INO80: variants seen among roughly 807,000 people sequenced by gnomAD.
INO80 encodes the protein chromatin-remodeling ATPase INO80.
Under a neutral mutation model 203.4 loss-of-function variants are expected in INO80, and 20 were observed. The ratio of observed to expected loss-of-function variants is 0.10; its 90% CI spans 0.07 to 0.14. INO80 has a LOEUF of 0.14. INO80 is among the 10% of genes least tolerant of loss of function. INO80 has a pLI of 1.00. For synonymous variants in INO80, 726 were observed against 685.2 expected (o/e 1.06, Z -0.93); for missense variants, 1,419 against 1,914.4 (o/e 0.74, Z 4.83).
At chr15:41,010,956 A>C (rs1172126977) in intron 27 of INO80, among the ~76,000 whole-genome samples, 2 of 152,230 alleles carry the variant, frequency 1.3e-5, no homozygotes, top group African/African-American at 4.8e-5. Context: ...ATTTTTCTGC[A>C]GTCCAAGCAA....
chr15:41,038,968 A>C (rs1252746272), intron 24 of INO80, among the ~76,000 whole-genome samples: 2 of 152,240 alleles, frequency 1.3e-5, no homozygotes, highest in Non-Finnish European at 2.9e-5. Context: ...TGTTGAAGAA[A>C]GTAAGACAAA....
chr15:41,005,023 TG>T (rs1033165328), intron 28 of INO80, among the ~76,000 whole-genome samples: 8 of 151,950 alleles, frequency 5.3e-5, no homozygotes, highest in Middle Eastern at 3.4e-3. Context: ...GGTGAAATCC[TG>T]TCCCTACTAA....
intron 24 of INO80, among the ~76,000 whole-genome samples, chr15:41,031,973 C>G (rs760087766): frequency 1.6e-4 from 13 of 83,630 alleles, no homozygotes; most frequent in African/African-American, 5.1e-4. Flanking sequence ...GACAGCACAG[C>G]ACAGCACAGC....
chr15:40,983,110 A>G (rs944846475), intron 34 of INO80, 33 bp from the exon 35 acceptor site: 3 of 1,534,326 alleles, frequency 2.0e-6, no homozygotes, highest in Non-Finnish European at 1.8e-6. Context: ...AGGGAAAGAA[A>G]AAAAAAAAAA....
intron 24 of INO80, among the ~76,000 whole-genome samples, chr15:41,043,763 C>T (rs1310080595): frequency 6.6e-6 from 1 of 152,212 alleles, no homozygotes; most frequent in Non-Finnish European, 1.5e-5. Context: ...ACTCATTTCA[C>T]TCAGAATAAA....
chr15:41,090,772 TTTG>T (rs1445913627), intron 5 of INO80, among the ~76,000 whole-genome samples: 1 of 152,062 alleles, frequency 6.6e-6, no homozygotes, highest in East Asian at 1.9e-4. Context: ...AGGCTGAAGT[TTTG>T]TTATGTGAAT....
rs1196290180 is a variant in INO80 at position 40,979,716 on chromosome 15, A to G, written c.*507T>C. 1 of 169,372 alleles carries G rather than the reference A, an allele frequency of 5.9e-6. No individual in the cohort carries two copies. The highest frequency in any genetic ancestry group is 2.4e-5 in the African/African-American group (1 of 41,672). 10.5% of individuals were successfully genotyped at this position (169,372 alleles called of 1,614,324 possible). On this transcript the variant is annotated 3_prime_UTR_variant, in exon 36 of 36. Coordinates refer to ENST00000648947, the MANE Select transcript of INO80 (RefSeq NM_017553.3). ...AGTCACTGCTCTCTCCAATGATGAC[A>G]CTCTGGGGTTCAGAGACCTGGGGAG...
At chr15:41,106,707 A>C (rs1483624117) in intron 1 of INO80, among the ~76,000 whole-genome samples, 3 of 152,204 alleles carry the variant, frequency 2.0e-5, no homozygotes, top group Non-Finnish European at 2.9e-5. Context: ...GCTGACAATG[A>C]ATGGAAATAT....
At chr15:41,002,798 T>C (rs1322834446) in intron 28 of INO80, among the ~76,000 whole-genome samples, 1 of 152,186 alleles carries the variant, frequency 6.6e-6, no homozygotes, top group Non-Finnish European at 1.5e-5. Flanking sequence ...AACAGAATAG[T>C]GATCATTAAA....
chr15:41,115,683 C>G (rs1187632548), intron 1 of INO80, among the ~76,000 whole-genome samples: 1 of 152,188 alleles, frequency 6.6e-6, no homozygotes, highest in African/African-American at 2.4e-5. Flanking sequence ...TGCACCTGGT[C>G]TAACACACTC....
chr15:41,017,379 A>T (rs1035844503), intron 26 of INO80: 1 of 152,234 alleles, frequency 6.6e-6, no homozygotes, highest in African/African-American at 2.4e-5. Context: ...GTAAGAGTAT[A>T]TGTGGAAGTG....
chr15:41,022,014 C>T (rs2044301676), intron 25 of INO80, among the ~76,000 whole-genome samples: 1 of 152,216 alleles, frequency 6.6e-6, no homozygotes, highest in South Asian at 2.1e-4. Flanking sequence ...GATTATCTGT[C>T]AAGCCCACGC....
chr15:41,087,017 C>G (rs2045573288), intron 6 of INO80, among the ~76,000 whole-genome samples: 1 of 151,854 alleles, frequency 6.6e-6, no homozygotes, highest in Admixed American at 6.6e-5. Context: ...TCTGTCTTTC[C>G]AATTCTAGAA....
intron 29 of INO80, among the ~76,000 whole-genome samples, chr15:40,991,331 A>G (rs1452359215): frequency 1.3e-5 from 2 of 152,194 alleles, no homozygotes; most frequent in Non-Finnish European, 2.9e-5. Context: ...GTACAAACTA[A>G]TAGGTTAAGA....
chr15:41,036,573 A>G (rs1374459701), intron 24 of INO80, among the ~76,000 whole-genome samples: 2 of 152,166 alleles, frequency 1.3e-5, no homozygotes, highest in African/African-American at 4.8e-5. Flanking sequence ...TGTACTTTTA[A>G]TTTTAGGCTA....
chr15:41,104,053 T>C (rs1045131506), intron 1 of INO80, among the ~76,000 whole-genome samples: 7 of 151,750 alleles, frequency 4.6e-5, no homozygotes, highest in Admixed American at 3.3e-4. Context: ...ACCTCGTCTC[T>C]ACTAAAAATA....
At chr15:40,984,390 A>G in intron 32 of INO80, 38 bp from the exon 33 acceptor site, 1 of 1,588,954 alleles carries the variant, frequency 6.3e-7, no homozygotes, top group Non-Finnish European at 8.6e-7. Context: ...ACGTGTGAGG[A>G]TGCACCCCAA....
intron 11 of INO80, 89 bp downstream of exon 11, chr15:41,073,339 G>T: frequency 9.3e-7 from 1 of 1,080,776 alleles, no homozygotes; most frequent in Non-Finnish European, 1.4e-6. Context: ...TTGCAAATGT[G>T]ATTAAGACTA....
At chr15:41,032,048 C>CACAGG (rs2044492513) in intron 24 of INO80, among the ~76,000 whole-genome samples, 2 of 87,426 alleles carry the variant, frequency 2.3e-5, no homozygotes, top group Non-Finnish European at 4.9e-5. Flanking sequence ...CACAGCACAG[C>CACAGG]ACAGCACAGC....
Sources: allele counts gnomAD v4.1 joint callset (sites outside exome capture counted in the v4.1 genomes callset), GRCh38; gene constraint gnomAD v4.1.1; transcripts MANE v1.5; gene names NCBI Gene and HGNC (gene_info 2026-07-23, HGNC 2026-07-21).